ARSG: variants seen among roughly 807,000 people sequenced by gnomAD.
ARSG encodes arylsulfatase G, also known as ASG.
A neutral mutation model predicts 50.5 loss-of-function variants in ARSG; 37 were observed. That is an observed-to-expected ratio of 0.73 (90% CI 0.56 to 0.96). The LOEUF is 0.96. Ranked by LOEUF, ARSG falls within the 50% of genes least tolerant of loss-of-function variation. The pLI is 0.00. For missense variants in ARSG, 629 were observed against 675.3 expected, an observed-to-expected ratio of 0.93 and a Z score of 0.76; for synonymous variants, 225 against 254.6, an observed-to-expected ratio of 0.88 and a Z score of 1.11.
chr17:68,375,756 A>AG (rs1334342483), intron 8 of ARSG, among the ~76,000 whole-genome samples: 2 of 152,138 alleles, frequency 1.3e-5, no homozygotes, highest in Non-Finnish European at 1.5e-5. Flanking sequence ...CAGCCCGGGC[A>AG]GGGGTGGGAA....
intron 6 of ARSG, among the ~76,000 whole-genome samples, chr17:68,362,048 G>A (rs535141495): frequency 6.6e-6 from 1 of 152,302 alleles, no homozygotes; most frequent in South Asian, 2.1e-4. Flanking sequence ...TCCCTAGCAG[G>A]CTAAGACACA....
intron 1 of ARSG, among the ~76,000 whole-genome samples, chr17:68,292,079 C>G (rs138277676): frequency 6.6e-6 from 1 of 151,948 alleles, no homozygotes. Context: ...GAGGGAGTGT[C>G]GCAGTGGGCC....
intron 2 of ARSG, among the ~76,000 whole-genome samples, chr17:68,316,559 G>C (rs2077077452): frequency 6.6e-6 from 1 of 152,190 alleles, no homozygotes; most frequent in African/African-American, 2.4e-5. Flanking sequence ...CATGAGAGCT[G>C]GAACTAGACT....
chr17:68,300,106 T>C (rs1258828947), intron 1 of ARSG, among the ~76,000 whole-genome samples: 2 of 151,944 alleles, frequency 1.3e-5, no homozygotes, highest in African/African-American at 4.8e-5. Flanking sequence ...TATCCAGTTA[T>C]TTTGTTGTTG....
Position 68,378,489 on chromosome 17 carries a change from G to A in ARSG, c.983-6575G>A, listed in dbSNP as rs986001318. On this transcript the variant is annotated intron_variant, in intron 8 of 11. Transcript: ENST00000621439. This position sits in a 1 kb window ranked among gnomAD's most constrained non-coding sequence, Gnocchi z 4.4. ...CGTGTGGACTGAGAATGCTCCACTT[G>A]GCTTGTGCCCTGCAGGGGTGAGGAG... 6.6e-6 allele frequency among the ~76,000 whole-genome samples: 1 copy of A among 152,182 alleles called. No homozygotes were observed. The highest frequency in any genetic ancestry group is 1.5e-5 in the Non-Finnish European group (1 of 68,032).
At chr17:68,398,341 A>T (rs988868430) in intron 10 of ARSG, among the ~76,000 whole-genome samples, 9 of 152,208 alleles carry the variant, frequency 5.9e-5, no homozygotes, top group Non-Finnish European at 1.0e-4. Context: ...GTCCAGGCAC[A>T]TAAATAGAGA....
intron 1 of ARSG, among the ~76,000 whole-genome samples, chr17:68,278,846 C>T (rs1291879213): frequency 6.6e-6 from 1 of 152,064 alleles, no homozygotes; most frequent in African/African-American, 2.4e-5. Flanking sequence ...GCTCAAACTC[C>T]TGACCTCAAG....
At chr17:68,421,644 G>A, downstream of ARSG, 2 of 1,335,236 alleles carry the variant, frequency 1.5e-6, no homozygotes, top group East Asian at 4.6e-5. Context: ...TGTGGTTTAA[G>A]CAGTGGAGCA....
chr17:68,363,078 C>T (rs968262231), intron 6 of ARSG, among the ~76,000 whole-genome samples: 1 of 152,154 alleles, frequency 6.6e-6, no homozygotes, highest in Non-Finnish European at 1.5e-5. Context: ...TATGTAAAAA[C>T]ATGGCTTTAA....
intron 6 of ARSG, among the ~76,000 whole-genome samples, chr17:68,363,426 C>T (rs539405329): frequency 6.6e-6 from 1 of 152,084 alleles, no homozygotes; most frequent in African/African-American, 2.4e-5. Context: ...TTTGGATTGA[C>T]CCTGCAGGCT....
chr17:68,327,624 G>A (rs533952829), intron 2 of ARSG, among the ~76,000 whole-genome samples: 2 of 151,972 alleles, frequency 1.3e-5, no homozygotes, highest in African/African-American at 4.8e-5. Context: ...ACTCTACTTC[G>A]GTATAATCTC....
At chr17:68,364,626 T>A (rs2079456847) in intron 6 of ARSG, among the ~76,000 whole-genome samples, 1 of 152,172 alleles carries the variant, frequency 6.6e-6, no homozygotes, top group African/African-American at 2.4e-5. Context: ...TTCCAAAAGT[T>A]CTGGGATTAC....
intron 1 of ARSG, among the ~76,000 whole-genome samples, chr17:68,300,656 A>G (rs1555761473): frequency 2.0e-5 from 3 of 152,074 alleles, no homozygotes; most frequent in African/African-American, 4.8e-5. Flanking sequence ...GGGTTTTTAG[A>G]TGCATGGCGT....
chr17:68,406,363 T>A (rs1348549222), intron 11 of ARSG, among the ~76,000 whole-genome samples: 1 of 152,238 alleles, frequency 6.6e-6, no homozygotes, highest in East Asian at 1.9e-4. Context: ...TGTGCAAGTA[T>A]CTTTTTCGTA....
At position 68,341,906 on chromosome 17, in the gene ARSG, AACC is replaced by A. The variant is rs1189707384; in HGVS notation, c.219-1697_219-1695del. ...GCGATCTTGGCTCACTGCAACCTCC[AACC>A]CCTCGGTTCAAGCGATTCTCCTGCC... On this transcript the variant is annotated intron_variant, in intron 2 of 11. Coordinates refer to ENST00000621439, the MANE Select transcript of ARSG (RefSeq NM_001267727.2). Among the ~76,000 whole-genome samples the A allele has an allele frequency of 7.7e-4, 117 of 152,220 alleles. 1 individual carries two copies. The highest frequency in any genetic ancestry group is 2.6e-3 in the African/African-American group (108 of 41,542).
chr17:68,289,644 TAAAA>T (rs538435215), upstream of ARSG, among the ~76,000 whole-genome samples: 3 of 152,104 alleles, frequency 2.0e-5, no homozygotes, highest in Non-Finnish European at 4.4e-5. Flanking sequence ...ATTCTCTATT[TAAAA>T]AAAATTTCCA....
intron 9 of ARSG, 94 bp from the exon 10 acceptor site, chr17:68,394,979 C>T: frequency 6.4e-7 from 1 of 1,554,984 alleles, no homozygotes; most frequent in Non-Finnish European, 8.8e-7. Flanking sequence ...GCTGTGGGTG[C>T]TTGCTCTGGG....
intron 2 of ARSG, among the ~76,000 whole-genome samples, chr17:68,324,990 G>C (rs2077445226): frequency 6.6e-6 from 1 of 152,122 alleles, no homozygotes; most frequent in East Asian, 1.9e-4. Context: ...CCAGTGAGCA[G>C]CTTGAGGGCA....
downstream of ARSG, chr17:68,425,994 G>GACTCT: frequency 9.4e-7 from 1 of 1,064,660 alleles, no homozygotes; most frequent in Non-Finnish European, 1.4e-6. Flanking sequence ...CAGGGAAAGG[G>GACTCT]ACTCTGCCTC....
Sources: allele counts gnomAD v4.1 joint callset (sites outside exome capture counted in the v4.1 genomes callset), GRCh38; gene constraint gnomAD v4.1.1; non-coding constraint Gnocchi (gnomAD v3.1); transcripts MANE v1.5; gene names NCBI Gene and HGNC (gene_info 2026-07-23, HGNC 2026-07-21).